Variants in ZNF346 observed in about 807,000 individuals in gnomAD.
ZNF346 encodes the protein zinc finger protein 346.
A neutral mutation model predicts 33.7 loss-of-function variants in ZNF346; 23 were observed. The ratio of observed to expected loss-of-function variants is 0.68; its 90% CI spans 0.49 to 0.97. The LOEUF (loss-of-function observed/expected upper bound fraction) is 0.97. Ranked by LOEUF, ZNF346 falls within the 50% of genes least tolerant of loss-of-function variation. ZNF346 has a pLI of 0.00. For missense variants in ZNF346, 340 were observed against 371.1 expected (o/e 0.92, Z 0.69); for synonymous variants, 134 against 142.4 (o/e 0.94, Z 0.42).
intron 5 of ZNF346, among the ~76,000 whole-genome samples, chr5:177,061,250 T>C (rs907095513): frequency 1.3e-5 from 2 of 151,924 alleles, no homozygotes; most frequent in Non-Finnish European, 2.9e-5. Flanking sequence ...AGAGAGACCA[T>C]CATGGCCGAC....
chr5:177,036,564 G>T (rs1778544440), intron 1 of ZNF346, among the ~76,000 whole-genome samples: 1 of 152,174 alleles, frequency 6.6e-6, no homozygotes, highest in South Asian at 2.1e-4. Context: ...GCCTCAGGGT[G>T]GCCATGAGTA....
chr5:177,056,536 C>A (rs1781697526), intron 5 of ZNF346, among the ~76,000 whole-genome samples: 1 of 152,158 alleles, frequency 6.6e-6, no homozygotes, highest in African/African-American at 2.4e-5. Flanking sequence ...CAATGATAGA[C>A]TGGATTAAGA....
At chr5:177,028,289 G>A (rs1483027537) in intron 1 of ZNF346, among the ~76,000 whole-genome samples, 4 of 149,548 alleles carry the variant, frequency 2.7e-5, no homozygotes, top group Non-Finnish European at 4.4e-5. Context: ...TGATCTGTCC[G>A]CCTCTGCTTT....
chr5:177,057,855 C>G (rs1263914447), intron 5 of ZNF346, among the ~76,000 whole-genome samples: 1 of 150,850 alleles, frequency 6.6e-6, no homozygotes, highest in African/African-American at 2.4e-5. Context: ...GAGTTTCGCT[C>G]TTAATGCCCA....
intron 5 of ZNF346, among the ~76,000 whole-genome samples, chr5:177,053,367 T>C (rs1322368121): frequency 6.7e-6 from 1 of 148,602 alleles, no homozygotes; most frequent in Non-Finnish European, 1.5e-5. Context: ...CCTAAGCTGG[T>C]CATGAGCTCT....
chr5:177,030,895 C>T (rs1255924545), intron 1 of ZNF346, among the ~76,000 whole-genome samples: 1 of 147,836 alleles, frequency 6.8e-6, no homozygotes. Context: ...TGGCTTCTTT[C>T]GCTTAGTGTA....
chr5:177,079,345 T>C (rs1438799188), intron 8 of ZNF346: 4 of 152,054 alleles, frequency 2.6e-5, no homozygotes, highest in Admixed American at 2.0e-4. Context: ...AGCAAGGGGT[T>C]CAGCAAAATG....
intron 4 of ZNF346, among the ~76,000 whole-genome samples, chr5:177,050,534 CTTCCCAGGT>C (rs1363923810): frequency 6.6e-6 from 1 of 152,180 alleles, no homozygotes; most frequent in Non-Finnish European, 1.5e-5. Flanking sequence ...TCCCTCAAAT[CTTCCCAGGT>C]TTCCCAATTA....
At chr5:177,068,053 G>GCTGGTTGTGGTGGTGGATGCCTGT (rs1562046241), downstream of ZNF346, among the ~76,000 whole-genome samples, 17 of 119,862 alleles carry the variant, frequency 1.4e-4, no homozygotes, top group Middle Eastern at 0.01. Flanking sequence ...ATGGAGAGTA[G>GCTGGTTGTGGTGGTGGATGCCTGT]AATCCAGTTC....
At chr5:177,076,097 G>A (rs1217131245) in intron 8 of ZNF346, among the ~76,000 whole-genome samples, 1 of 152,258 alleles carries the variant, frequency 6.6e-6, no homozygotes, top group Non-Finnish European at 1.5e-5. Flanking sequence ...TTATAGGCGT[G>A]AGCCACTGTG....
chr5:177,059,972 A>G (rs543697180), intron 5 of ZNF346, among the ~76,000 whole-genome samples: 3 of 152,232 alleles, frequency 2.0e-5, no homozygotes, highest in African/African-American at 4.8e-5. Context: ...ATGGGGGAGC[A>G]GGGATCAAGA....
chr5:177,060,927 A>G (rs6876838), intron 5 of ZNF346, among the ~76,000 whole-genome samples: 21,411 of 151,480 alleles, frequency 0.14, 3,212 homozygotes, highest in African/African-American at 0.38. Context: ...TGGCTAACAC[A>G]GTGAAACCCC....
intron 5 of ZNF346, among the ~76,000 whole-genome samples, chr5:177,057,536 A>G (rs1044694816): frequency 6.6e-6 from 1 of 152,004 alleles, no homozygotes; most frequent in African/African-American, 2.4e-5. Flanking sequence ...CAGGAGTTCA[A>G]CACCAGCCTG....
At chr5:177,073,933 T>C (rs1183779470) in intron 8 of ZNF346, among the ~76,000 whole-genome samples, 1 of 152,032 alleles carries the variant, frequency 6.6e-6, no homozygotes, top group African/African-American at 2.4e-5. Flanking sequence ...GGTTAGGACT[T>C]AAGTGCTCAT....
chr5:177,051,291 C>A (rs1256095478), intron 5 of ZNF346, among the ~76,000 whole-genome samples: 2 of 149,160 alleles, frequency 1.3e-5, no homozygotes, highest in Admixed American at 1.4e-4. Flanking sequence ...CCTTCTGCCT[C>A]AGCCTCCTGA....
At chr5:177,051,938 A>G (rs1185007197) in intron 5 of ZNF346, 1 of 152,134 alleles carries the variant, frequency 6.6e-6, no homozygotes, top group Non-Finnish European at 1.5e-5. Flanking sequence ...CCAAGGTAGG[A>G]GGATCACTTG....
At position 177,066,970 on chromosome 5, in the gene ZNF346, G is replaced by A. The variant is rs1283859852; in HGVS notation, c.*2371G>A. Among the ~76,000 whole-genome samples, 2 of 152,084 alleles carry A rather than the reference G, an allele frequency of 1.3e-5. No individual in the cohort carries two copies. Among genetic ancestry groups the A allele is most frequent in the African/African-American group, 4.8e-5 (2 of 41,420 alleles). ...CCAGCTACTTGGGAGGCTGAGGCAA[G>A]AGAATTGCTTGAACCCGGGAGGCGG... On this transcript the variant is annotated 3_prime_UTR_variant, in exon 7 of 7. Transcript: ENST00000358149.
exon 9 of ZNF346, chr5:177,079,644 C>T (rs1353575519): frequency 2.6e-5 from 4 of 152,174 alleles, no homozygotes; most frequent in Non-Finnish European, 5.9e-5. Flanking sequence ...GCCCTGCTCA[C>T]TTAGGTTTCT....
chr5:177,061,954 C>T lies in ZNF346; in HGVS notation c.704-104C>T, dbSNP rs147108956. 2.7e-3 allele frequency: 2,647 copies of T among 980,426 alleles called. 36 individuals are homozygous for T. The highest frequency in any genetic ancestry group is 6.1e-3 in the East Asian group (248 of 40,548). The allele number at this position is 980,426 out of a possible 1,614,324, so 60.7% of individuals were successfully genotyped here. ...ATCAGGGCCAGCAACCTCACCTCGC[C>T]TCACCTGTCCGTCCTTAGAAGGGCA... On this transcript the variant is annotated intron_variant, in intron 5 of 6. Coordinates refer to ENST00000358149, the MANE Select transcript of ZNF346 (RefSeq NM_012279.4).
Sources: allele counts gnomAD v4.1 joint callset (sites outside exome capture counted in the v4.1 genomes callset), GRCh38; gene constraint gnomAD v4.1.1; transcripts MANE v1.5; gene names NCBI Gene and HGNC (gene_info 2026-07-23, HGNC 2026-07-21).